The following SKAP1 variants were observed in gnomAD, a reference collection of about 807,000 sequenced individuals.
SKAP1 encodes src kinase-associated phosphoprotein 1.
Under a neutral mutation model 58.5 loss-of-function variants are expected in SKAP1, and 44 were observed. The ratio of observed to expected loss-of-function variants is 0.75; its 90% CI spans 0.59 to 0.97. The LOEUF (loss-of-function observed/expected upper bound fraction) is 0.97, where lower values mean the gene tolerates loss of function less well. Among genes scored for constraint, SKAP1 ranks in the 50% least tolerant of loss-of-function variants. The pLI, the probability that SKAP1 is intolerant of heterozygous loss-of-function variation, is 0.00. For missense variants in SKAP1, 390 were observed against 435.2 expected, an observed-to-expected ratio of 0.90 and a Z score of 0.92; for synonymous variants, 127 against 149.7, an observed-to-expected ratio of 0.85 and a Z score of 1.11.
At chr17:48,367,537 T>TATATATATATATGGATATATATCC (rs1214861456) in intron 2 of SKAP1, among the ~76,000 whole-genome samples, 223 of 51,244 alleles carry the variant, frequency 4.4e-3, no homozygotes, top group East Asian at 0.028. Flanking sequence ...TATGTGTGTG[T>TATATATATATATGGATATATATCC]ATATATATAT....
chr17:48,281,153 G>A (rs1358905769), intron 4 of SKAP1, among the ~76,000 whole-genome samples: 1 of 152,132 alleles, frequency 6.6e-6, no homozygotes, highest in African/African-American at 2.4e-5. Flanking sequence ...AGCCTCCCAA[G>A]TAGCTGGGAT....
chr17:48,362,658 A>G (rs1037489033), intron 3 of SKAP1, among the ~76,000 whole-genome samples: 1 of 152,256 alleles, frequency 6.6e-6, no homozygotes, highest in African/African-American at 2.4e-5. Flanking sequence ...TTAACTTATG[A>G]GAGTCAAGAA....
At chr17:48,181,953 C>T (rs944321885) in intron 8 of SKAP1, among the ~76,000 whole-genome samples, 1 of 152,128 alleles carries the variant, frequency 6.6e-6, no homozygotes. Context: ...TGTCCAATGT[C>T]CCTGAAGACC....
chr17:48,424,192 GGA>G (rs2067828148), intron 1 of SKAP1, among the ~76,000 whole-genome samples: 2 of 151,358 alleles, frequency 1.3e-5, no homozygotes, highest in Non-Finnish European at 1.5e-5. Context: ...CTCACATAGT[GGA>G]AGGAGTAAGG....
chr17:48,204,973 T>TTTTCTTTTCTTTTTCTTTC, intron 4 of SKAP1, among the ~76,000 whole-genome samples: 1 of 77,296 alleles, frequency 1.3e-5, no homozygotes, highest in Non-Finnish European at 2.4e-5. Flanking sequence ...TTTTCTTTTC[T>TTTTCTTTTCTTTTTCTTTC]TTTCTTTCTT....
the SKAP1 span, among the ~76,000 whole-genome samples, chr17:48,441,148 T>G: frequency 1.3e-5 from 2 of 152,184 alleles, no homozygotes; most frequent in Admixed American, 6.5e-5. Context: ...AAAAAAAGAT[T>G]TGGACTAAGA....
At chr17:48,243,103 G>GT (rs1343993634) in intron 4 of SKAP1, among the ~76,000 whole-genome samples, 1 of 152,062 alleles carries the variant, frequency 6.6e-6, no homozygotes, top group African/African-American at 2.4e-5. Context: ...AATGTAACTC[G>GT]TCACACACTA....
At chr17:48,363,075 C>G (rs1413570933) in intron 3 of SKAP1, among the ~76,000 whole-genome samples, 1 of 152,158 alleles carries the variant, frequency 6.6e-6, no homozygotes, top group Non-Finnish European at 1.5e-5. Flanking sequence ...AAGATATCCC[C>G]TCAAACTGTT....
At chr17:48,294,698 A>C (rs1377228576) in intron 4 of SKAP1, among the ~76,000 whole-genome samples, 11 of 152,192 alleles carry the variant, frequency 7.2e-5, no homozygotes, top group Admixed American at 7.2e-4. Context: ...TACATAGTAC[A>C]TGACCTATAT....
intron 4 of SKAP1, among the ~76,000 whole-genome samples, chr17:48,256,625 T>C (rs1011682353): frequency 6.6e-6 from 1 of 152,002 alleles, no homozygotes; most frequent in African/African-American, 2.4e-5. Flanking sequence ...CCCTTTATTC[T>C]GTGGAGAATT....
intron 2 of SKAP1, among the ~76,000 whole-genome samples, chr17:48,365,058 C>T (rs893862296): frequency 1.3e-5 from 2 of 152,028 alleles, no homozygotes; most frequent in Non-Finnish European, 2.9e-5. Flanking sequence ...TGCTTACACA[C>T]ATTACTACTA....
intron 1 of SKAP1, among the ~76,000 whole-genome samples, chr17:48,410,415 A>G (rs1172523350): frequency 6.6e-6 from 1 of 152,170 alleles, no homozygotes; most frequent in African/African-American, 2.4e-5. Context: ...AAAAGAAATG[A>G]CATCACAGTA....
intron 2 of SKAP1, among the ~76,000 whole-genome samples, chr17:48,366,705 C>G (rs1215490065): frequency 6.6e-6 from 1 of 152,186 alleles, no homozygotes; most frequent in African/African-American, 2.4e-5. Context: ...AGCAAATCAT[C>G]AAATGGCTGA....
At chr17:48,200,267 A>G (rs1244457784) in intron 4 of SKAP1, among the ~76,000 whole-genome samples, 1 of 151,648 alleles carries the variant, frequency 6.6e-6, no homozygotes, top group African/African-American at 2.4e-5. Context: ...ACTGCACTCC[A>G]GCCTGGGTGA....
the SKAP1 span, among the ~76,000 whole-genome samples, chr17:48,443,351 G>A: frequency 1.3e-5 from 2 of 152,116 alleles, no homozygotes; most frequent in Admixed American, 6.6e-5. Flanking sequence ...TCCTCCTGAG[G>A]GTTCAGATCT....
intron 4 of SKAP1, among the ~76,000 whole-genome samples, chr17:48,319,472 A>G (rs1162287992): frequency 6.6e-6 from 1 of 152,252 alleles, no homozygotes; most frequent in Non-Finnish European, 1.5e-5. Context: ...TTTCTCCATC[A>G]GAGTATTCTG....
chr17:48,355,734 T>C (rs1441751178), intron 3 of SKAP1, among the ~76,000 whole-genome samples: 1 of 151,660 alleles, frequency 6.6e-6, no homozygotes, highest in Non-Finnish European at 1.5e-5. Flanking sequence ...GGCTGAGGCA[T>C]AAGAATTGGT....
At chr17:48,161,980 T>G (rs1020335765) in intron 11 of SKAP1, among the ~76,000 whole-genome samples, 1 of 152,152 alleles carries the variant, frequency 6.6e-6, no homozygotes, top group Non-Finnish European at 1.5e-5. Flanking sequence ...TATTTATTTA[T>G]TTTTGAGATG....
chr17:48,331,351 A>G (rs574120725), intron 4 of SKAP1, among the ~76,000 whole-genome samples: 1 of 152,328 alleles, frequency 6.6e-6, no homozygotes, highest in African/African-American at 2.4e-5. Context: ...TGAAACATAC[A>G]TCTCTTTTAA....
Sources: allele counts gnomAD v4.1 joint callset (sites outside exome capture counted in the v4.1 genomes callset), GRCh38; gene constraint gnomAD v4.1.1; transcripts MANE v1.5; gene names NCBI Gene and HGNC (gene_info 2026-07-23, HGNC 2026-07-21).